SH2D3C: variants seen among roughly 807,000 people sequenced by gnomAD.
SH2D3C encodes SH2 domain containing 3C, also known as SH2 domain-containing protein 3C.
SH2D3C carries 25 observed loss-of-function variants against 75.2 expected under a neutral mutation model. The ratio of observed to expected loss-of-function variants is 0.33; its 90% CI spans 0.24 to 0.46. The LOEUF (loss-of-function observed/expected upper bound fraction) is 0.46. SH2D3C is among the 20% of genes least tolerant of loss of function. The pLI is 1.00. For synonymous variants in SH2D3C, 450 were observed against 473.7 expected, an observed-to-expected ratio of 0.95 and a Z score of 0.65; for missense variants, 933 against 1,165.3, an observed-to-expected ratio of 0.80 and a Z score of 2.90.
At chr9:127,740,667 CTTAT>C (rs766797549) in intron 9 of SH2D3C, among the ~76,000 whole-genome samples, 4 of 152,134 alleles carry the variant, frequency 2.6e-5, no homozygotes, top group African/African-American at 9.7e-5. Flanking sequence ...ACTTGTTGTT[CTTAT>C]TTATTTATTT....
At chr9:127,740,109 G>A (rs932022788) in intron 10 of SH2D3C, 149 bp downstream of exon 10, 2 of 767,708 alleles carry the variant, frequency 2.6e-6, no homozygotes, top group Non-Finnish European at 4.3e-6. Context: ...GACATGAACA[G>A]GGCTGACACA....
intron 2 of SH2D3C, among the ~76,000 whole-genome samples, chr9:127,765,795 A>T (rs894591447): frequency 6.6e-6 from 1 of 152,178 alleles, no homozygotes; most frequent in Non-Finnish European, 1.5e-5. Flanking sequence ...TCCACTAATT[A>T]ATTTATTTAT....
Position 127,751,294 on chromosome 9 carries a change from T to C in SH2D3C, c.562A>G (p.Lys188Glu), listed in dbSNP as rs1288569517. 3 of 1,613,692 alleles carry C rather than the reference T, an allele frequency of 1.9e-6. No individual in the cohort carries two copies. The change falls in exon 4 of 12, where the codon AAG becomes GAG. Residue 188 changes from lysine (K) to glutamate (E), a missense_variant. Lys to Glu is a moderately conservative substitution (Grantham distance 56). Transcript: ENST00000314830. The surrounding 1 kb of genome is among the most constrained non-coding windows in gnomAD (Gnocchi z 4.1). Reference sequence around the variant, plus strand: ...GATGAGTCCAGGATGTACTTCTCCTTGGAGAACTGGGTAGAAAACAGCAAG... The same window carrying C: ...GATGAGTCCAGGATGTACTTCTCCTCGGAGAACTGGGTAGAAAACAGCAAG... ...EAGSDYVKFS[K>E]EKYILDSSPE...
chr9:127,757,834 T>C (rs774106438), intron 3 of SH2D3C, among the ~76,000 whole-genome samples: 3 of 151,832 alleles, frequency 2.0e-5, no homozygotes, highest in Non-Finnish European at 2.9e-5. Flanking sequence ...TTTTATATCA[T>C]TTTTTTAGTA....
chr9:127,766,906 G>A (rs1005516759), intron 2 of SH2D3C: 73 of 1,526,730 alleles, frequency 4.8e-5, no homozygotes, highest in Non-Finnish European at 6.1e-5. Context: ...CTCACCCACC[G>A]CAGAGAAGCA....
chr9:127,756,802 T>C (rs1845393457), intron 3 of SH2D3C, among the ~76,000 whole-genome samples: 1 of 151,834 alleles, frequency 6.6e-6, no homozygotes, highest in Admixed American at 6.6e-5. Context: ...CCTGCCACCA[T>C]GCCCGCTAAT....
chr9:127,749,235 G>T lies in SH2D3C; in HGVS notation c.1115C>A (p.Thr372Asn). 1.3e-6 allele frequency: 2 copies of T among 1,569,850 alleles called. No individual in the cohort carries two copies. Among genetic ancestry groups the T allele is most frequent in the Non-Finnish European group, 8.7e-7 (1 of 1,154,870 alleles). Residue 372 changes from threonine (T) to asparagine (N), a missense_variant, in exon 5 of 12, where the codon ACC becomes AAC. Coordinates refer to ENST00000314830, the MANE Select transcript of SH2D3C (RefSeq NM_170600.3). This position sits in a 1 kb window ranked among gnomAD's most constrained non-coding sequence, Gnocchi z 5.9. ...CCTGGTGGGGCAGCCATCGCTGCGG[G>T]TGACCTTGTCAGCAGTGAGCCCATC... The part of the protein sequence containing the change: ...MTDGLTADKV[T>N]RSDGCPTSTS...
chr9:127,749,853 C>A lies in SH2D3C; in HGVS notation c.685-188G>T, dbSNP rs1256916638. ...CAATGACCCAGGTTCACAGGGGGCA[C>A]CTCAGCCAGAGGCCCTGAGTCTGCA... On this transcript the variant is annotated intron_variant, in intron 4 of 11. Coordinates refer to ENST00000314830, the MANE Select transcript of SH2D3C (RefSeq NM_170600.3). The surrounding 1 kb of genome is among the most constrained non-coding windows in gnomAD (Gnocchi z 5.9). 6.6e-6 allele frequency among the ~76,000 whole-genome samples: 1 copy of A among 152,086 alleles called. No homozygotes were observed.
In SH2D3C at chr9:127,749,582, G is replaced by A. The variant is rs778832410; in HGVS notation, c.768C>T (p.Cys256=). ...AGTGCAAGGCCTGGTTGCGCCAGCG[G>A]CACGTGAGCACATAGTCGCCCAGGC... ...LTSLGDYVLT[C]RWRNQALHFK... The change falls in exon 5 of 12, where the codon TGC becomes TGT. Residue 256 remains cysteine (C), a synonymous_variant. Coordinates refer to ENST00000314830, the MANE Select transcript of SH2D3C (RefSeq NM_170600.3). The surrounding 1 kb of genome is among the most constrained non-coding windows in gnomAD (Gnocchi z 5.9). 1 of 1,607,808 alleles carries A rather than the reference G, an allele frequency of 6.2e-7. No individual in the cohort carries two copies. Among genetic ancestry groups the A allele is most frequent in the Non-Finnish European group, 8.5e-7 (1 of 1,177,216 alleles).
rs115856106 is a variant in SH2D3C at position 127,771,280 on chromosome 9, G to T, written c.515+2710C>A. 6,924 of 1,520,666 alleles carry T rather than the reference G, an allele frequency of 4.6e-3. 83 individuals carry two copies. The highest frequency in any genetic ancestry group is 0.035 in the African/African-American group (2,528 of 71,558). The allele number at this position is 1,520,666 out of a possible 1,614,324, so 94.2% of individuals were successfully genotyped here. ...ACCCGGGGACCTCCTAAACCCAGCG[G>T]CTCCTGCCTTTCTCGGGCCACTGAG... On this transcript the variant is annotated intron_variant, in intron 2 of 11. Transcript: ENST00000314830.
chr9:127,740,415 A>G (rs546118154), intron 9 of SH2D3C, 46 bp from the exon 10 acceptor site: 2 of 1,441,836 alleles, frequency 1.4e-6, no homozygotes, highest in South Asian at 1.1e-5. Context: ...GAGGGCCTGC[A>G]GGGGCCACCC....
chr9:127,739,571 G>T lies in SH2D3C; in HGVS notation c.2407+111C>A. Reference sequence around the variant, plus strand: ...GGAAGGGGTCAGGGAGACAGGGCAGGACAGAGGAGTGGAGAAATGTGAATG... The same window carrying T: ...GGAAGGGGTCAGGGAGACAGGGCAGTACAGAGGAGTGGAGAAATGTGAATG... On this transcript the variant is annotated intron_variant, in intron 11 of 11. Transcript: ENST00000314830. This position sits in a 1 kb window ranked among gnomAD's most constrained non-coding sequence, Gnocchi z 4.3. The T allele has an allele frequency of 3.2e-6, 3 of 949,692 alleles. No individual in the cohort carries two copies. The highest frequency in any genetic ancestry group is 4.8e-6 in the Non-Finnish European group (3 of 625,654). The allele number at this position is 949,692 out of a possible 1,614,324, so 58.8% of individuals were successfully genotyped here.
At chr9:127,759,099 AC>A (rs1214258050) in intron 3 of SH2D3C, among the ~76,000 whole-genome samples, 2 of 152,226 alleles carry the variant, frequency 1.3e-5, no homozygotes, top group Non-Finnish European at 2.9e-5. Context: ...ACACAGTCAA[AC>A]ACAGGCTCAG....
chr9:127,773,974 G>T lies in SH2D3C; in HGVS notation c.515+16C>A. 1 of 1,498,676 alleles carries T rather than the reference G, an allele frequency of 6.7e-7. No individual in the cohort carries two copies. The highest frequency in any genetic ancestry group is 9.2e-7 in the Non-Finnish European group (1 of 1,082,590). The allele number at this position is 1,498,676 out of a possible 1,614,324, so 92.8% of individuals were successfully genotyped here. A position where few individuals can be genotyped will look rare whatever the true frequency, so the allele number is the denominator to read the frequency against. ...AAGCCATCCCTGCAGGTCCCAACCAGCCCCTGGGCACCTACCTTTCTGAGT... is the reference window on the plus strand; with the variant it reads ...AAGCCATCCCTGCAGGTCCCAACCATCCCCTGGGCACCTACCTTTCTGAGT... On this transcript the variant is annotated intron_variant, in intron 2 of 11. Transcript: ENST00000314830.
chr9:127,769,748 A>G (rs961664445), intron 2 of SH2D3C, among the ~76,000 whole-genome samples: 14 of 152,102 alleles, frequency 9.2e-5, no homozygotes, highest in African/African-American at 3.1e-4. Context: ...AGTGGTTTAG[A>G]GCTTGGGCTT....
intron 2 of SH2D3C, chr9:127,767,157 G>A: frequency 6.5e-7 from 1 of 1,535,368 alleles, no homozygotes. Context: ...GCAGTGTCCA[G>A]CAGGAGCTCA....
intron 9 of SH2D3C, among the ~76,000 whole-genome samples, chr9:127,741,333 C>G (rs539472): frequency 0.57 from 86,192 of 150,800 alleles, 24,945 homozygotes; most frequent in South Asian, 0.63. Flanking sequence ...CTCTGCCTCC[C>G]TGGTTCAAGC....
Position 127,751,080 on chromosome 9 carries a change from G to T in SH2D3C, c.684+92C>A. On this transcript the variant is annotated intron_variant, in intron 4 of 11. Coordinates refer to ENST00000314830, the MANE Select transcript of SH2D3C (RefSeq NM_170600.3). This position sits in a 1 kb window ranked among gnomAD's most constrained non-coding sequence, Gnocchi z 4.1. Reference sequence around the variant, plus strand: ...ATTGAATCCACCAAGCAACAGGTCAGAGCCTCCCAGGTGGCTGCAGCCAGG... The same window carrying T: ...ATTGAATCCACCAAGCAACAGGTCATAGCCTCCCAGGTGGCTGCAGCCAGG... The T allele has an allele frequency of 7.8e-7, 1 of 1,284,316 alleles. No individual in the cohort carries two copies. The highest frequency in any genetic ancestry group is 1.1e-6 in the Non-Finnish European group (1 of 899,036). 79.6% of individuals were successfully genotyped at this position (1,284,316 alleles called of 1,614,324 possible).
At chr9:127,771,600 C>T (rs539302986) in intron 2 of SH2D3C, among the ~76,000 whole-genome samples, 8 of 152,334 alleles carry the variant, frequency 5.3e-5, no homozygotes, top group African/African-American at 1.7e-4. Flanking sequence ...CGCCCCTAGA[C>T]ACGCCCTCAA....
Sources: allele counts gnomAD v4.1 joint callset (sites outside exome capture counted in the v4.1 genomes callset), GRCh38; gene constraint gnomAD v4.1.1; non-coding constraint Gnocchi (gnomAD v3.1); transcripts MANE v1.5; gene names NCBI Gene and HGNC (gene_info 2026-07-23, HGNC 2026-07-21).